Variants in DOC2A observed in about 807,000 individuals in gnomAD.
The protein encoded by DOC2A is double C2 domain alpha.
In DOC2A, 28 loss-of-function variants were observed where a neutral mutation model predicts 40.6. The ratio of observed to expected loss-of-function variants is 0.69; its 90% CI spans 0.51 to 0.95. DOC2A has a LOEUF of 0.95. Ranked by LOEUF, DOC2A falls within the 40% of genes least tolerant of loss-of-function variation. The pLI, the probability that DOC2A is intolerant of heterozygous loss-of-function variation, is 0.00. For missense variants in DOC2A, 474 were observed against 552.5 expected (o/e 0.86, Z 1.42); for synonymous variants, 241 against 236.9 (o/e 1.02, Z -0.16).
At chr16:30,021,129 A>G (rs1206486545) in intron 1 of DOC2A, 1 of 115,940 alleles carries the variant, frequency 8.6e-6, no homozygotes, top group African/African-American at 3.4e-5. Context: ...TGGGCTTTTT[A>G]CTTGTTTAGG....
chr16:30,008,054 A>C (rs11863174), intron 5 of DOC2A: 79,795 of 154,750 alleles, frequency 0.52, 20,872 homozygotes, highest in African/African-American at 0.57. Flanking sequence ...GAATAGCTGA[A>C]ACCAAGGTGG....
Position 30,009,874 on chromosome 16 carries a change from C to A in DOC2A, c.262+87G>T, listed in dbSNP as rs1181403648. ...CCTCCTCCCCTACCTACATGCACAG[C>A]CAGCAGGGCCCATCCCCCTCTCCCC... On this transcript the variant is annotated intron_variant, in intron 2 of 10. Transcript: ENST00000350119. The surrounding 1 kb of genome is among the most constrained non-coding windows in gnomAD (Gnocchi z 4.1). The A allele has an allele frequency of 2.0e-6, 3 of 1,518,892 alleles. No individual in the cohort carries two copies. The highest frequency in any genetic ancestry group is 2.7e-6 in the Non-Finnish European group (3 of 1,102,746). The allele number at this position is 1,518,892 out of a possible 1,614,324, so 94.1% of individuals were successfully genotyped here. A position where few individuals can be genotyped will look rare whatever the true frequency, so the allele number is the denominator to read the frequency against.
At chr16:30,008,011 GTT>G (rs2070671970) in intron 5 of DOC2A, 1 of 155,610 alleles carries the variant, frequency 6.4e-6, no homozygotes, top group South Asian at 2.0e-4. Flanking sequence ...TCTCATTCTG[GTT>G]TTGGCCTCTG....
intron 5 of DOC2A, chr16:30,007,615 C>A: frequency 2.3e-6 from 1 of 432,466 alleles, no homozygotes; most frequent in South Asian, 2.1e-5. Context: ...GCCATAGACA[C>A]AGGCCGTGAG....
upstream of DOC2A, chr16:30,011,269 CG>C: frequency 4.2e-6 from 4 of 955,722 alleles, no homozygotes; most frequent in Non-Finnish European, 5.0e-6. Context: ...CGCACACGCC[CG>C]TGCCCACGTG....
chr16:30,012,544 A>AT (rs541366656), upstream of DOC2A: 5,517 of 146,840 alleles, frequency 0.038, 135 homozygotes, highest in Non-Finnish European at 0.057. Flanking sequence ...TTTCACGGCA[A>AT]TTTTTTTTTT....
intron 1 of DOC2A, among the ~76,000 whole-genome samples, chr16:30,017,344 G>A (rs2070864769): frequency 1.3e-5 from 2 of 152,030 alleles, no homozygotes; most frequent in South Asian, 4.2e-4. Context: ...CTGCACTTGT[G>A]TGTTTATTGC....
At chr16:30,007,573 G>T (rs1239457503) in intron 5 of DOC2A, 6 of 507,008 alleles carry the variant, frequency 1.2e-5, no homozygotes, top group Non-Finnish European at 2.2e-5. Flanking sequence ...TTCAGGGCCT[G>T]GGGGCAGGAG....
At chr16:30,014,384 C>T (rs1469389859), upstream of DOC2A, among the ~76,000 whole-genome samples, 1 of 151,902 alleles carries the variant, frequency 6.6e-6, no homozygotes, top group Non-Finnish European at 1.5e-5. Flanking sequence ...GCCTGTAATC[C>T]CAGCATTTTG....
At chr16:30,011,145 C>G, upstream of DOC2A, 1 of 712,404 alleles carries the variant, frequency 1.4e-6, no homozygotes, top group Non-Finnish European at 1.7e-6. Context: ...CCGGGGCCCG[C>G]TCGGGAGCGC....
At chr16:30,011,089 G>A, upstream of DOC2A, 2 of 947,858 alleles carry the variant, frequency 2.1e-6, no homozygotes, top group Non-Finnish European at 2.5e-6. Context: ...CGGGGGACGG[G>A]GAGGGGCGCT....
upstream of DOC2A, among the ~76,000 whole-genome samples, chr16:30,017,334 C>G (rs1035236913): frequency 7.9e-5 from 12 of 151,716 alleles, no homozygotes; most frequent in Non-Finnish European, 1.6e-4. Context: ...AAAAAGACAC[C>G]TGCACTTGTG....
At chr16:30,020,563 C>T (rs2070897420) in intron 1 of DOC2A, among the ~76,000 whole-genome samples, 1 of 151,716 alleles carries the variant, frequency 6.6e-6, no homozygotes, top group Admixed American at 6.6e-5. Flanking sequence ...AAGAAGTAGG[C>T]TGGGCGCAGT....
Position 30,009,004 on chromosome 16 carries a change from C to T in DOC2A, c.519G>A (p.Lys173=). ...SGITDDDITH[K]VLRIAVCDED... The stretch of plus-strand genomic sequence containing the variant: ...GGGAGGGGGGCCCTCACCTGAGCAC[C>T]TTGTGCGTGATGTCGTCATCTGTGA... Residue 173 remains lysine (K), a synonymous_variant, in exon 5 of 11, where the codon AAG becomes AAA. Transcript: ENST00000350119. The surrounding 1 kb of genome is among the most constrained non-coding windows in gnomAD (Gnocchi z 4.1). 3 of 1,612,934 alleles carry T rather than the reference C, an allele frequency of 1.9e-6. No individual in the cohort carries two copies. The highest frequency in any genetic ancestry group is 2.2e-5 in the East Asian group (1 of 44,874).
intron 1 of DOC2A, among the ~76,000 whole-genome samples, chr16:30,017,614 A>G (rs1188619637): frequency 1.3e-5 from 2 of 152,178 alleles, no homozygotes; most frequent in East Asian, 1.9e-4. Flanking sequence ...AAAGATGAGA[A>G]TAACAGACAC....
upstream of DOC2A, among the ~76,000 whole-genome samples, chr16:30,016,020 A>AATATATATATATAT (rs1161591964): frequency 2.3e-4 from 14 of 61,164 alleles, no homozygotes; most frequent in African/African-American, 4.8e-4. Flanking sequence ...CCAGCACAAT[A>AATATATATATATAT]ATATATATAT....
At chr16:30,016,037 ATATATATATATATATATATTT>A (rs1197080438), upstream of DOC2A, among the ~76,000 whole-genome samples, 864 of 31,132 alleles carry the variant, frequency 0.028, 3 homozygotes, top group Non-Finnish European at 0.04. Context: ...ATATATATAT[ATATATATATATATATATATTT>A]TTTTTTTTTT....
At chr16:30,017,568 G>A (rs993356348) in intron 1 of DOC2A, among the ~76,000 whole-genome samples, 7 of 152,098 alleles carry the variant, frequency 4.6e-5, no homozygotes, top group African/African-American at 1.7e-4. Context: ...ACATGTTCTC[G>A]TAAGTGGGAG....
chr16:30,010,424 A>G lies in DOC2A; in HGVS notation c.-13-189T>C. On this transcript the variant is annotated intron_variant, in intron 1 of 10. Coordinates refer to ENST00000350119, the MANE Select transcript of DOC2A (RefSeq NM_003586.3). The surrounding 1 kb of genome is among the most constrained non-coding windows in gnomAD (Gnocchi z 4.2). ...CCTGCAGACCCCAAGCTGACTCCAC[A>G]GGGGCTGGGCTGCCAACCCACTCCT... 2 of 746,694 alleles carry G rather than the reference A, an allele frequency of 2.7e-6. No homozygotes were observed. Among genetic ancestry groups the G allele is most frequent in the Non-Finnish European group, 4.5e-6 (2 of 446,144 alleles). 46.3% of individuals were successfully genotyped at this position (746,694 alleles called of 1,614,324 possible). A position where few individuals can be genotyped will look rare whatever the true frequency, so the allele number is the denominator to read the frequency against.
Sources: allele counts gnomAD v4.1 joint callset (sites outside exome capture counted in the v4.1 genomes callset), GRCh38; gene constraint gnomAD v4.1.1; non-coding constraint Gnocchi (gnomAD v3.1); transcripts MANE v1.5; gene names NCBI Gene and HGNC (gene_info 2026-07-23, HGNC 2026-07-21).